COLEC12: variants seen among roughly 807,000 people sequenced by gnomAD.
COLEC12 encodes collectin-12.
A neutral mutation model predicts 71.1 loss-of-function variants in COLEC12; 33 were observed. The ratio of observed to expected loss-of-function variants is 0.46; its 90% CI spans 0.35 to 0.62. The LOEUF (loss-of-function observed/expected upper bound fraction) is 0.62, where lower values mean the gene tolerates loss of function less well. Ranked by LOEUF, COLEC12 falls within the 20% of genes least tolerant of loss-of-function variation. COLEC12 has a pLI of 0.00. For synonymous variants in COLEC12, 350 were observed against 353.0 expected, an observed-to-expected ratio of 0.99 and a Z score of 0.10; for missense variants, 765 against 916.1, an observed-to-expected ratio of 0.84 and a Z score of 2.13.
At chr18:414,181 A>G (rs1400942881) in intron 2 of COLEC12, among the ~76,000 whole-genome samples, 2 of 152,246 alleles carry the variant, frequency 1.3e-5, no homozygotes, top group East Asian at 3.8e-4. Context: ...TTGCAACTGC[A>G]TGTGAATTTA....
chr18:478,803 A>G (rs926798950), intron 2 of COLEC12, among the ~76,000 whole-genome samples: 2 of 150,824 alleles, frequency 1.3e-5, no homozygotes, highest in African/African-American at 4.9e-5. Context: ...CTTCTCTTCT[A>G]TTTGTACCGC....
intron 5 of COLEC12, among the ~76,000 whole-genome samples, chr18:336,895 A>C (rs1914131439): frequency 6.6e-6 from 1 of 152,042 alleles, no homozygotes; most frequent in African/African-American, 2.4e-5. Flanking sequence ...TCACTCTGTC[A>C]CCCAGGCTGG....
In COLEC12 at chr18:335,075, C is replaced by A; in HGVS notation, c.1483G>T (p.Glu495Ter). The A allele has an allele frequency of 6.2e-7, 1 of 1,611,132 alleles. No individual in the cohort carries two copies. The highest frequency in any genetic ancestry group is 8.5e-7 in the Non-Finnish European group (1 of 1,179,036). The change falls in exon 6 of 10, where the codon GAG (glutamate) becomes TAG (stop). Residue 495 changes from glutamate (E) to a stop codon, truncating the protein, a stop_gained. Coordinates refer to ENST00000400256, the MANE Select transcript of COLEC12 (RefSeq NM_130386.3). LOFTEE classifies it high-confidence loss of function. ...CCTTTAGATCCTTTGCCGCCACGCT[C>A]TCCGGGGGGACCAGCTGGTCCAATT... The part of the protein sequence containing the change: ...GPIGPAGPPG[E>*]RGGKGSKGSQ...
chr18:365,741 C>T (rs1260541905), intron 2 of COLEC12, among the ~76,000 whole-genome samples: 1 of 152,112 alleles, frequency 6.6e-6, no homozygotes, highest in African/African-American at 2.4e-5. Context: ...TTTTTTCTTA[C>T]CAATACCTCC....
chr18:373,980 T>C (rs1407142010), intron 2 of COLEC12, among the ~76,000 whole-genome samples: 1 of 152,222 alleles, frequency 6.6e-6, no homozygotes, highest in Non-Finnish European at 1.5e-5. Flanking sequence ...GTTCCACAAA[T>C]GACTCCAGGG....
intron 2 of COLEC12, among the ~76,000 whole-genome samples, chr18:459,899 ATTATC>A (rs1168319439): frequency 1.3e-5 from 2 of 152,214 alleles, no homozygotes; most frequent in Non-Finnish European, 2.9e-5. Flanking sequence ...TTGTCTCTTA[ATTATC>A]TTGTTTTCCA....
intron 2 of COLEC12, among the ~76,000 whole-genome samples, chr18:476,819 A>C (rs1174252335): frequency 3.3e-5 from 5 of 152,262 alleles, no homozygotes; most frequent in Non-Finnish European, 7.3e-5. Flanking sequence ...CATGTCCCAG[A>C]AAATGAACTC....
chr18:468,836 T>C (rs2143749257), intron 2 of COLEC12, among the ~76,000 whole-genome samples: 1 of 152,362 alleles, frequency 6.6e-6, no homozygotes, highest in Non-Finnish European at 1.5e-5. Flanking sequence ...GAGATCTTAT[T>C]CACGGACTTC....
At chr18:387,331 C>A (rs912558534) in intron 2 of COLEC12, among the ~76,000 whole-genome samples, 1 of 152,100 alleles carries the variant, frequency 6.6e-6, no homozygotes, top group Admixed American at 6.6e-5. Context: ...TGAGCAGAAG[C>A]GCTTTAGAGA....
intron 2 of COLEC12, among the ~76,000 whole-genome samples, chr18:440,196 A>T (rs1167253933): frequency 6.6e-6 from 1 of 152,188 alleles, no homozygotes; most frequent in Non-Finnish European, 1.5e-5. Context: ...AGTAGTTGCG[A>T]CATGGGATGG....
At chr18:473,654 C>T (rs140344975) in intron 2 of COLEC12, among the ~76,000 whole-genome samples, 5 of 152,352 alleles carry the variant, frequency 3.3e-5, no homozygotes, top group African/African-American at 9.6e-5. Context: ...TAAGCCACAG[C>T]GCCCGGCCTC....
intron 2 of COLEC12, among the ~76,000 whole-genome samples, chr18:454,877 G>A (rs913286996): frequency 6.6e-6 from 1 of 152,228 alleles, no homozygotes; most frequent in Non-Finnish European, 1.5e-5. Flanking sequence ...TCTGGCATAT[G>A]ACAGATACTC....
chr18:409,712 G>C (rs544645345), intron 2 of COLEC12, among the ~76,000 whole-genome samples: 1 of 152,126 alleles, frequency 6.6e-6, no homozygotes, highest in Non-Finnish European at 1.5e-5. Context: ...TGTTCACTTT[G>C]ATACCATAGA....
intron 3 of COLEC12, among the ~76,000 whole-genome samples, chr18:356,973 C>G (rs572250220): frequency 6.6e-6 from 1 of 152,116 alleles, no homozygotes; most frequent in Non-Finnish European, 1.5e-5. Context: ...GTTGGCCGAT[C>G]CCTGGGTGAA....
chr18:468,391 T>C (rs1387368517), intron 2 of COLEC12, among the ~76,000 whole-genome samples: 4 of 152,228 alleles, frequency 2.6e-5, no homozygotes. Context: ...CTAACCCTTT[T>C]ATTTTGCAGA....
intron 2 of COLEC12, among the ~76,000 whole-genome samples, chr18:365,115 T>C (rs1053737953): frequency 2.7e-4 from 41 of 152,054 alleles, no homozygotes; most frequent in African/African-American, 9.7e-4. Context: ...TCCTTTCACA[T>C]GTTGATAGAT....
intron 2 of COLEC12, among the ~76,000 whole-genome samples, chr18:368,063 C>T (rs1347539964): frequency 2.0e-5 from 3 of 152,114 alleles, no homozygotes; most frequent in Non-Finnish European, 4.4e-5. Flanking sequence ...AACAAAAAGT[C>T]AGAAGGCATG....
chr18:380,235 G>A (rs945705724), intron 2 of COLEC12, among the ~76,000 whole-genome samples: 9 of 152,180 alleles, frequency 5.9e-5, no homozygotes, highest in Non-Finnish European at 8.8e-5. Flanking sequence ...CAGCTTCAGA[G>A]TACTGGCAGC....
intron 1 of COLEC12, among the ~76,000 whole-genome samples, chr18:482,041 C>T (rs71352944): frequency 0.13 from 19,287 of 151,804 alleles, 1,511 homozygotes; most frequent in Admixed American, 0.24. Flanking sequence ...GCACCCGACA[C>T]GTAGTTTTTC....
Sources: allele counts gnomAD v4.1 joint callset (sites outside exome capture counted in the v4.1 genomes callset), GRCh38; gene constraint gnomAD v4.1.1; transcripts MANE v1.5; gene names NCBI Gene and HGNC (gene_info 2026-07-23, HGNC 2026-07-21).